The following CFH variants were observed in gnomAD, a reference collection of about 807,000 sequenced individuals.
The protein encoded by CFH is complement factor H.
CFH carries 53 observed loss-of-function variants against 147.3 expected under a neutral mutation model. The observed-to-expected ratio is 0.36, with a 90% confidence interval of 0.29 to 0.45. The LOEUF (loss-of-function observed/expected upper bound fraction) is 0.45. Ranked by LOEUF, CFH falls within the 20% of genes least tolerant of loss-of-function variation. CFH has a pLI of 1.00. For synonymous variants in CFH, 536 were observed against 489.4 expected, an observed-to-expected ratio of 1.10 and a Z score of -1.26; for missense variants, 1,380 against 1,498.0, an observed-to-expected ratio of 0.92 and a Z score of 1.30.
intron 11 of CFH, among the ~76,000 whole-genome samples, chr1:196,719,389 A>G (rs1379616245): frequency 6.6e-6 from 1 of 151,970 alleles, no homozygotes; most frequent in Non-Finnish European, 1.5e-5. Context: ...GAAGATTGGT[A>G]TAGACTTTTA....
At chr1:196,663,905 A>G (rs936117070) in intron 1 of CFH, among the ~76,000 whole-genome samples, 6 of 152,304 alleles carry the variant, frequency 3.9e-5, no homozygotes, top group South Asian at 2.1e-4. Flanking sequence ...GTCTTCCCCA[A>G]ATGGTGAATG....
intron 11 of CFH, among the ~76,000 whole-genome samples, chr1:196,718,976 A>G (rs1018041500): frequency 2.0e-5 from 3 of 152,114 alleles, no homozygotes; most frequent in African/African-American, 2.4e-5. Context: ...ATTGACAGAC[A>G]TCTGAGTATA....
At chr1:196,711,908 G>A (rs1431635667) in intron 9 of CFH, among the ~76,000 whole-genome samples, 1 of 151,972 alleles carries the variant, frequency 6.6e-6, no homozygotes, top group Admixed American at 6.6e-5. Flanking sequence ...GAGTTGCTGT[G>A]GAAATTTGTA....
At chr1:196,661,444 T>C (rs546824490) in intron 1 of CFH, among the ~76,000 whole-genome samples, 18 of 152,310 alleles carry the variant, frequency 1.2e-4, no homozygotes, top group Non-Finnish European at 2.2e-4. Context: ...TTCTGAATGC[T>C]AGAAAGTCTA....
chr1:196,688,930 A>T (rs545167307), intron 7 of CFH, among the ~76,000 whole-genome samples: 3 of 152,238 alleles, frequency 2.0e-5, no homozygotes, highest in South Asian at 2.1e-4. Context: ...AATCTAAAAC[A>T]AATAAAAACC....
chr1:196,676,173 T>G, intron 4 of CFH, 108 bp downstream of exon 4: 6 of 646,642 alleles, frequency 9.3e-6, no homozygotes, highest in Middle Eastern at 4.4e-4. Flanking sequence ...TTATTTAATG[T>G]TTTTTTTTCT....
chr1:196,687,747 T>C (rs1278205047), intron 7 of CFH, among the ~76,000 whole-genome samples: 1 of 152,006 alleles, frequency 6.6e-6, no homozygotes, highest in Non-Finnish European at 1.5e-5. Flanking sequence ...ATTCCAAATC[T>C]TTAAAAAGTG....
intron 9 of CFH, among the ~76,000 whole-genome samples, chr1:196,707,466 TCCAA>T: frequency 6.6e-6 from 1 of 152,220 alleles, no homozygotes; most frequent in Admixed American, 6.5e-5. Flanking sequence ...TTTCATCCCA[TCCAA>T]CCCAGAGACT....
Position 196,668,635 on chromosome 1 carries a change from G to A in CFH, c.59-4343G>A, listed in dbSNP as rs546514404. Reference sequence around the variant, plus strand: ...GAGTGAGTTCTTATGAGATTTAATGGTTTAAGCATCTGGCATTTCCCCAAC... The same window carrying A: ...GAGTGAGTTCTTATGAGATTTAATGATTTAAGCATCTGGCATTTCCCCAAC... On this transcript the variant is annotated intron_variant, in intron 1 of 21. Transcript: ENST00000367429. 2.0e-5 allele frequency among the ~76,000 whole-genome samples: 3 copies of A among 152,214 alleles called. No homozygotes were observed. The South Asian group carries it at 6.2e-4, about 32-fold the overall frequency.
intron 6 of CFH, among the ~76,000 whole-genome samples, chr1:196,681,148 T>A (rs1378955392): frequency 6.6e-6 from 1 of 151,866 alleles, no homozygotes; most frequent in East Asian, 1.9e-4. Context: ...CATGCAGTAA[T>A]CAAAATGTAA....
intron 11 of CFH, among the ~76,000 whole-genome samples, chr1:196,718,826 A>G (rs749241774): frequency 6.6e-6 from 1 of 152,126 alleles, no homozygotes; most frequent in African/African-American, 2.4e-5. Flanking sequence ...CAAATTGTAC[A>G]AAGACTTAGG....
At chr1:196,737,074 T>C in intron 16 of CFH, 68 bp downstream of exon 16, 3 of 1,340,664 alleles carry the variant, frequency 2.2e-6, no homozygotes, top group Non-Finnish European at 3.2e-6. Context: ...GTGCTTCGTG[T>C]AAACAAGAGA....
intron 9 of CFH, among the ~76,000 whole-genome samples, chr1:196,703,628 A>G (rs1286689486): frequency 6.6e-6 from 1 of 152,132 alleles, no homozygotes; most frequent in East Asian, 1.9e-4. Context: ...GAAATCTCAG[A>G]AAAAATGCTG....
At chr1:196,693,988 G>GTA (rs1464873131) in intron 9 of CFH, among the ~76,000 whole-genome samples, 1 of 149,382 alleles carries the variant, frequency 6.7e-6, no homozygotes, top group Admixed American at 6.6e-5. Context: ...GTGTGTGTGT[G>GTA]TGTTTTATTA....
chr1:196,737,158 A>G, intron 16 of CFH, 152 bp downstream of exon 16: 1 of 717,390 alleles, frequency 1.4e-6, no homozygotes. Flanking sequence ...ATCAATCACC[A>G]CTCTTTCAGT....
rs1244810604 is a variant in CFH, at chr1:196,747,387, T to C, written c.*74T>C. 8 of 1,582,990 alleles carry C rather than the reference T, an allele frequency of 5.1e-6. No homozygotes were observed. In the Admixed American group the frequency reaches 6.8e-5, roughly 13 times the overall value. On this transcript the variant is annotated 3_prime_UTR_variant, in exon 22 of 22. Coordinates refer to ENST00000367429, the MANE Select transcript of CFH (RefSeq NM_000186.4). ...AGTTCTCAATTTCATTTTTTATGTA[T>C]TGTTTTACTCCTTTTTATTCATACG...
intron 7 of CFH, among the ~76,000 whole-genome samples, chr1:196,685,840 A>G (rs1343294375): frequency 1.3e-5 from 2 of 152,098 alleles, no homozygotes; most frequent in Non-Finnish European, 2.9e-5. Flanking sequence ...CTAATCTGAG[A>G]ATAGAGGAAG....
chr1:196,727,421 T>C (rs1669171476), intron 14 of CFH, among the ~76,000 whole-genome samples: 1 of 152,076 alleles, frequency 6.6e-6, no homozygotes, highest in Non-Finnish European at 1.5e-5. Context: ...GAATGATTGC[T>C]TAAGGCCAGG....
At chr1:196,738,248 A>G (rs1254073197) in intron 17 of CFH, among the ~76,000 whole-genome samples, 1 of 152,190 alleles carries the variant, frequency 6.6e-6, no homozygotes, top group Non-Finnish European at 1.5e-5. Context: ...TTGGAGATAC[A>G]GTCAAATCCT....
Sources: allele counts gnomAD v4.1 joint callset (sites outside exome capture counted in the v4.1 genomes callset), GRCh38; gene constraint gnomAD v4.1.1; transcripts MANE v1.5; gene names NCBI Gene and HGNC (gene_info 2026-07-23, HGNC 2026-07-21).